The following PFKFB2 variants were observed in gnomAD, a reference collection of about 807,000 sequenced individuals.
PFKFB2 encodes 6-phosphofructo-2-kinase/fructose-2,6-bisphosphatase 2.
In PFKFB2, 53 loss-of-function variants were observed where a neutral mutation model predicts 68.0. That is an observed-to-expected ratio of 0.78 (90% CI 0.63 to 0.98). The LOEUF is 0.98. Among genes scored for constraint, PFKFB2 ranks in the 50% least tolerant of loss-of-function variants. PFKFB2 has a pLI of 0.00. For synonymous variants in PFKFB2, 222 were observed against 227.6 expected, an observed-to-expected ratio of 0.98 and a Z score of 0.22; for missense variants, 451 against 642.0, an observed-to-expected ratio of 0.70 and a Z score of 3.22.
intron 2 of PFKFB2, 120 bp downstream of exon 2, chr1:207,054,922 T>A: frequency 1.4e-6 from 1 of 697,658 alleles, no homozygotes. Context: ...CATGGAAATT[T>A]AATGCAAAGT....
Position 207,055,747 on chromosome 1 carries a change from C to T in PFKFB2, c.85+945C>T, listed in dbSNP as rs573511018. 2.6e-5 allele frequency among the ~76,000 whole-genome samples: 4 copies of T among 152,184 alleles called. No homozygotes were observed. In the South Asian group the frequency reaches 8.3e-4, roughly 32 times the overall value. ...ACCAGGAATTATCTCATGTTCAAAG[C>T]TTTTCCCAGAGCCTCGACCTTGATG... On this transcript the variant is annotated intron_variant, in intron 2 of 14. Transcript: ENST00000367080.
Position 207,063,819 on chromosome 1 carries a change from CCAATATTCTGG to C in PFKFB2, c.498_507+1del, listed in dbSNP as rs764890712. 83 of 1,612,922 alleles carry C rather than the reference CCAATATTCTGG, an allele frequency of 5.1e-5. No individual in the cohort carries two copies. The highest frequency in any genetic ancestry group is 6.5e-5 in the Non-Finnish European group (77 of 1,179,356). ...TGTGATGATCCTGATGTCATTGCTG[CCAATATTCTGG>C]TTGGTGACACCCCTACATATCATCT... On this transcript the variant is annotated splice_donor_variant and coding_sequence_variant, in exon 7 of 15. Transcript: ENST00000367080. LOFTEE classifies it high-confidence loss of function. This position sits in a 1 kb window ranked among gnomAD's most constrained non-coding sequence, Gnocchi z 4.1.
At chr1:207,064,304 C>G (rs1683215706) in intron 7 of PFKFB2, among the ~76,000 whole-genome samples, 1 of 151,746 alleles carries the variant, frequency 6.6e-6, no homozygotes, top group Non-Finnish European at 1.5e-5. Context: ...GCAGTCCAGT[C>G]TTGGTGACAG....
intron 1 of PFKFB2, among the ~76,000 whole-genome samples, chr1:207,053,745 G>A (rs1277615189): frequency 1.3e-5 from 2 of 152,060 alleles, no homozygotes; most frequent in African/African-American, 2.4e-5. Context: ...GGTAACTAGG[G>A]AGAGGGTGCG....
At chr1:207,078,259 G>A (rs1473637562), downstream of PFKFB2, among the ~76,000 whole-genome samples, 1 of 152,020 alleles carries the variant, frequency 6.6e-6, no homozygotes, top group Non-Finnish European at 1.5e-5. Flanking sequence ...TTTTTTTTGA[G>A]ACAGGAAATA....
At chr1:207,069,859 C>T (rs1191642794) in intron 11 of PFKFB2, among the ~76,000 whole-genome samples, 1 of 152,156 alleles carries the variant, frequency 6.6e-6, no homozygotes, top group African/African-American at 2.4e-5. Context: ...GGAATTATTT[C>T]CCTGTCATCT....
chr1:207,079,032 T>C (rs754119880), downstream of PFKFB2: 17 of 1,605,290 alleles, frequency 1.1e-5, no homozygotes, highest in Non-Finnish European at 1.4e-5. Context: ...ATGTGGATGT[T>C]CAGGCCTCAC....
At chr1:207,052,430 G>A (rs34713211), upstream of PFKFB2, 225 of 503,584 alleles carry the variant, frequency 4.5e-4, no homozygotes, top group East Asian at 7.5e-3. Flanking sequence ...GGGAGGCCGA[G>A]GCGGGTGAAT....
chr1:207,052,218 T>C (rs1485343673), upstream of PFKFB2: 1 of 1,612,746 alleles, frequency 6.2e-7, no homozygotes, highest in South Asian at 1.1e-5. Context: ...CTGAATAAAT[T>C]ATATGTAATG....
rs1459307782 is a variant in PFKFB2 at position 207,076,162 on chromosome 1, C to T, written c.*3791C>T. 1 of 984,888 alleles carries T rather than the reference C, an allele frequency of 1.0e-6. No individual in the cohort carries two copies. Among genetic ancestry groups the T allele is most frequent in the East Asian group, 1.1e-4 (1 of 8,828 alleles). 61.0% of individuals were successfully genotyped at this position (984,888 alleles called of 1,614,324 possible). A position where few individuals can be genotyped will look rare whatever the true frequency, so the allele number is the denominator to read the frequency against. On this transcript the variant is annotated 3_prime_UTR_variant, in exon 15 of 15. Transcript: ENST00000367080. ...AGGATCTGGGTAATCCTCTTTGCAA[C>T]CCACATTTGGTCTTCAGAGACACTG...
chr1:207,037,198 T>C (rs1349877810), intron 1 of PFKFB2, among the ~76,000 whole-genome samples: 2 of 152,214 alleles, frequency 1.3e-5, no homozygotes, highest in Non-Finnish European at 2.9e-5. Context: ...TTCTCTATCT[T>C]GTCTTTCTAT....
rs1326912649 is a variant in PFKFB2 at position 207,072,462 on chromosome 1, A to G, written c.*91A>G. 5 of 1,520,420 alleles carry G rather than the reference A, an allele frequency of 3.3e-6. No homozygotes were observed. The highest frequency in any genetic ancestry group is 4.5e-5 in the Admixed American group (2 of 44,884). The allele number at this position is 1,520,420 out of a possible 1,614,324, so 94.2% of individuals were successfully genotyped here. A position where few individuals can be genotyped will look rare whatever the true frequency, so the allele number is the denominator to read the frequency against. ...CCTTGTCACTAATCACCAAGGAGTC[A>G]TTAACTTCCTCCCTCTATGCCCACC... On this transcript the variant is annotated 3_prime_UTR_variant, in exon 15 of 15. Coordinates refer to ENST00000367080, the MANE Select transcript of PFKFB2 (RefSeq NM_006212.2).
At position 207,074,701 on chromosome 1, in the gene PFKFB2, G is replaced by A. The variant is rs1186266473; in HGVS notation, c.*2330G>A. The A allele has an allele frequency of 1.0e-6, 1 of 985,322 alleles. No homozygotes were observed. Among genetic ancestry groups the A allele is most frequent in the Non-Finnish European group, 1.2e-6 (1 of 829,916 alleles). 61.0% of individuals were successfully genotyped at this position (985,322 alleles called of 1,614,324 possible). On this transcript the variant is annotated 3_prime_UTR_variant, in exon 15 of 15. Coordinates refer to ENST00000367080, the MANE Select transcript of PFKFB2 (RefSeq NM_006212.2). ...GGAGCTTTGGGCTGGTAGGGGCAGG[G>A]ATAGGGGAAAGCTAAACAGAAGTAG...
Position 207,075,837 on chromosome 1 carries a change from AAG to A in PFKFB2, c.*3470_*3471del, listed in dbSNP as rs776735781. ...TGCTTCAAGACTATGACAGATTTGA[AAG>A]AGAATTCTAAAGCAGATTTAGAGAA... On this transcript the variant is annotated 3_prime_UTR_variant, in exon 15 of 15. Transcript: ENST00000367080. The A allele has an allele frequency of 4.7e-5, 46 of 984,274 alleles. No individual in the cohort carries two copies. The South Asian group carries it at 1.8e-3, about 38-fold the overall frequency. The allele number at this position is 984,274 out of a possible 1,614,324, so 61.0% of individuals were successfully genotyped here.
At position 207,076,205 on chromosome 1, in the gene PFKFB2, A is replaced by G. The variant is rs1391519661; in HGVS notation, c.*3834A>G. ...AGACACTGGCATTTTGAAGAAACAT[A>G]TGATATAGCTGTTTGGAAATAAATT... is the stretch of plus-strand genomic sequence containing the variant. On this transcript the variant is annotated 3_prime_UTR_variant, in exon 15 of 15. Coordinates refer to ENST00000367080, the MANE Select transcript of PFKFB2 (RefSeq NM_006212.2). 1.0e-6 allele frequency: 1 copy of G among 976,420 alleles called. No homozygotes were observed. Among genetic ancestry groups the G allele is most frequent in the Non-Finnish European group, 1.2e-6 (1 of 822,366 alleles). The allele number at this position is 976,420 out of a possible 1,614,324, so 60.5% of individuals were successfully genotyped here. A position where few individuals can be genotyped will look rare whatever the true frequency, so the allele number is the denominator to read the frequency against.
At chr1:207,079,481 G>T (rs1683710080), downstream of PFKFB2, 1 of 155,770 alleles carries the variant, frequency 6.4e-6, no homozygotes, top group Non-Finnish European at 1.4e-5. Context: ...TATGCTAGCA[G>T]TTACCATTTG....
upstream of PFKFB2, chr1:207,049,036 T>C (rs143996234): frequency 1.7e-5 from 28 of 1,613,518 alleles, no homozygotes; most frequent in African/African-American, 1.1e-4. Context: ...TTCTCCAAAG[T>C]TGGTATGGCC....
At chr1:207,054,391 A>T (rs558804922) in intron 1 of PFKFB2, among the ~76,000 whole-genome samples, 48 of 152,338 alleles carry the variant, frequency 3.2e-4, no homozygotes, top group Middle Eastern at 6.8e-3. Context: ...TTCAATCTGT[A>T]AAATGAGAAG....
At chr1:207,053,416 G>C (rs1461658723) in intron 1 of PFKFB2, 50 bp downstream of exon 1, 4 of 152,564 alleles carry the variant, frequency 2.6e-5, no homozygotes, top group Admixed American at 2.6e-4. Flanking sequence ...GGCGGGATGT[G>C]GGGGCTGCGT....
Sources: gnomAD v4.1 joint callset for allele counts (sites outside exome capture counted in the v4.1 genomes callset) on GRCh38, gnomAD v4.1.1 for gene constraint, Gnocchi (gnomAD v3.1) non-coding constraint, MANE v1.5 for transcripts, NCBI Gene and HGNC (gene_info 2026-07-23, HGNC 2026-07-21) for gene names.